The following SRSF1 variants were observed in gnomAD, a reference collection of about 807,000 sequenced individuals.
The protein encoded by SRSF1 is serine and arginine rich splicing factor 1.
Under a neutral mutation model 25.9 loss-of-function variants are expected in SRSF1, and 1 was observed. The observed-to-expected ratio is 0.04, with a 90% CI of 0.01 to 0.18. The LOEUF is 0.18. Ranked by LOEUF, SRSF1 falls within the 10% of genes least tolerant of loss-of-function variation. The pLI is 1.00. For missense variants in SRSF1, 65 were observed against 350.5 expected (o/e 0.19, Z 6.50); for synonymous variants, 132 against 126.2 (o/e 1.05, Z -0.31).
At chr17:57,999,932 A>G (rs2143455867), downstream of SRSF1, among the ~76,000 whole-genome samples, 1 of 152,252 alleles carries the variant, frequency 6.6e-6, no homozygotes, top group African/African-American at 2.4e-5. Context: ...TTTTAACCCG[A>G]TGCTTGAGTA....
chr17:58,006,006 A>G (rs1028014264), intron 2 of SRSF1, 33 bp from the exon 3 acceptor site: 1 of 1,588,228 alleles, frequency 6.3e-7, no homozygotes. Flanking sequence ...CTTAGTACCA[A>G]TTATCTTAAA....
downstream of SRSF1, among the ~76,000 whole-genome samples, chr17:57,996,483 T>TTA (rs538866531): frequency 2.8e-5 from 2 of 72,376 alleles, no homozygotes; most frequent in South Asian, 5.9e-4. Flanking sequence ...GACACTGTCT[T>TTA]AAAAAAAAAA....
chr17:57,996,502 A>AAAAAAAC (rs1431566307), downstream of SRSF1, among the ~76,000 whole-genome samples: 1 of 151,234 alleles, frequency 6.6e-6, no homozygotes, highest in Non-Finnish European at 1.5e-5. Context: ...AAAAAAAAAA[A>AAAAAAAC]ACAGCCTTTG....
rs1201093166 is a variant in SRSF1 at position 58,002,219 on chromosome 17, TAAA to T, written c.*3184_*3186del. Among the ~76,000 whole-genome samples, 3 of 152,328 alleles carry T rather than the reference TAAA, an allele frequency of 2.0e-5. No individual in the cohort carries two copies. The East Asian group carries it at 5.8e-4, about 29-fold the overall frequency. ...TTGGCCATTACATTGAATTCTTAGA[TAAA>T]AAGAGCTACATCCTTAAACTTACAC... On this transcript the variant is annotated 3_prime_UTR_variant, in exon 4 of 4. Transcript: ENST00000258962.
Position 58,005,269 on chromosome 17 carries a change from G to C in SRSF1, c.*137C>G. On this transcript the variant is annotated 3_prime_UTR_variant, in exon 4 of 4. Coordinates refer to ENST00000258962, the MANE Select transcript of SRSF1 (RefSeq NM_006924.5). This position sits in a 1 kb window ranked among gnomAD's most constrained non-coding sequence, Gnocchi z 5.2. ...AAGGGAATGTAGATGTTAGGAGCAA[G>C]GGGATATTACAAGAATGCAATTCAA... is the stretch of plus-strand genomic sequence containing the variant. The C allele has an allele frequency of 2.4e-6, 2 of 841,358 alleles. No individual in the cohort carries two copies. The highest frequency in any genetic ancestry group is 2.5e-5 in the East Asian group (1 of 39,856). The allele number at this position is 841,358 out of a possible 1,614,324, so 52.1% of individuals were successfully genotyped here. A position where few individuals can be genotyped will look rare whatever the true frequency, so the allele number is the denominator to read the frequency against.
downstream of SRSF1, among the ~76,000 whole-genome samples, chr17:57,997,726 G>C (rs1488882517): frequency 6.6e-6 from 1 of 152,168 alleles, no homozygotes; most frequent in Non-Finnish European, 1.5e-5. Flanking sequence ...ACAGCATCTT[G>C]AAGAACTCTA....
the SRSF1 span, among the ~76,000 whole-genome samples, chr17:57,995,376 ACTGTGTGACCAGCTGTCCTC>A: frequency 6.6e-6 from 1 of 152,214 alleles, no homozygotes; most frequent in Non-Finnish European, 1.5e-5. Flanking sequence ...GGCCCCAGCC[ACTGTGTGACCAGCTGTCCTC>A]CTGTGGGGCC....
At chr17:57,990,000 T>C in the SRSF1 span, 1 of 359,566 alleles carries the variant, frequency 2.8e-6, no homozygotes, top group Non-Finnish European at 5.0e-6. Flanking sequence ...GCTTCTTCCC[T>C]GCCTTAACTC....
At position 58,005,882 on chromosome 17, in the gene SRSF1, A is replaced by T. The variant is rs138873567; in HGVS notation, c.471T>A (p.Thr157=). 6.2e-7 allele frequency: 1 copy of T among 1,613,998 alleles called. No individual in the cohort carries two copies. Among genetic ancestry groups the T allele is most frequent in the African/African-American group, 1.3e-5 (1 of 74,916 alleles). Reference sequence around the variant, plus strand: ...CTTTCCGTACAAACTCCACGACACCAGTGCCATCTCGGTAAACATCAGCAT... The same window carrying T: ...CTTTCCGTACAAACTCCACGACACCTGTGCCATCTCGGTAAACATCAGCAT... ...VCYADVYRDG[T]GVVEFVRKED... is the part of the protein sequence containing the mutation. Residue 157 remains threonine (T), a synonymous_variant, in exon 3 of 4, where the codon ACT becomes ACA. Transcript: ENST00000258962. The surrounding 1 kb of genome is among the most constrained non-coding windows in gnomAD (Gnocchi z 5.2).
the SRSF1 span, chr17:57,992,077 T>A: frequency 6.6e-6 from 1 of 152,228 alleles, no homozygotes; most frequent in Admixed American, 6.5e-5. Flanking sequence ...TTTATCACCT[T>A]CATGCTTGTT....
rs972389921 is a variant in SRSF1, at chr17:58,001,782, G to A, written c.*3624C>T. The stretch of plus-strand genomic sequence containing the variant: ...GGAGCAGTCCATACTTCCCATCACA[G>A]CTTTTAGCTGTCTGGTCATCTTAAC... On this transcript the variant is annotated 3_prime_UTR_variant, in exon 4 of 4. Transcript: ENST00000258962. Among the ~76,000 whole-genome samples the A allele has an allele frequency of 6.6e-6, 1 of 152,158 alleles. No individual in the cohort carries two copies. Among genetic ancestry groups the A allele is most frequent in the Non-Finnish European group, 1.5e-5 (1 of 68,016 alleles).
intron 1 of SRSF1, 156 bp from the exon 2 acceptor site, chr17:58,006,683 C>T: frequency 2.0e-6 from 2 of 978,820 alleles, no homozygotes; most frequent in Admixed American, 2.9e-5. Flanking sequence ...CAGAAACACG[C>T]CAGGCTCCCA....
downstream of SRSF1, among the ~76,000 whole-genome samples, chr17:58,000,089 C>G (rs1466468697): frequency 1.3e-5 from 2 of 151,858 alleles, no homozygotes; most frequent in Non-Finnish European, 2.9e-5. Context: ...AAATTAACTT[C>G]TATATGACAG....
Position 58,001,396 on chromosome 17 carries a change from C to T in SRSF1, c.*4010G>A, listed in dbSNP as rs1404205339. On this transcript the variant is annotated 3_prime_UTR_variant, in exon 4 of 4. Coordinates refer to ENST00000258962, the MANE Select transcript of SRSF1 (RefSeq NM_006924.5). ...ATTTTACGGGGAATCTATTCATATT[C>T]CAAACAGCATTTTAAAAAACATTAA... Among the ~76,000 whole-genome samples the T allele has an allele frequency of 1.3e-5, 2 of 152,092 alleles. No homozygotes were observed. Among genetic ancestry groups the T allele is most frequent in the East Asian group, 3.9e-4 (2 of 5,194 alleles).
chr17:57,989,931 C>T, the SRSF1 span: 4 of 394,640 alleles, frequency 1.0e-5, no homozygotes, highest in Non-Finnish European at 1.8e-5. Context: ...CCTTTGTGTT[C>T]TTGCTCTGAC....
downstream of SRSF1, among the ~76,000 whole-genome samples, chr17:57,998,377 TTAA>T (rs1248723250): frequency 6.6e-6 from 1 of 152,164 alleles, no homozygotes; most frequent in Non-Finnish European, 1.5e-5. Flanking sequence ...GTATTAAGCC[TTAA>T]TAATTGTTGA....
Position 58,004,687 on chromosome 17 carries a change from C to A in SRSF1, c.*719G>T, listed in dbSNP as rs1040657760. ...ATTAGCCAGTTCTTCCCACATTAGT[C>A]CCTATTAAAACAAAAATGGGGGGAA... On this transcript the variant is annotated 3_prime_UTR_variant, in exon 4 of 4. Transcript: ENST00000258962. 6.6e-6 allele frequency: 2 copies of A among 301,444 alleles called. No homozygotes were observed. The allele number at this position is 301,444 out of a possible 1,614,324, so 18.7% of individuals were successfully genotyped here. A position where few individuals can be genotyped will look rare whatever the true frequency, so the allele number is the denominator to read the frequency against.
intron 1 of SRSF1, 41 bp from the exon 2 acceptor site, chr17:58,006,568 G>A (rs760860218): frequency 6.3e-7 from 1 of 1,575,178 alleles, no homozygotes; most frequent in African/African-American, 1.4e-5. Context: ...GAAACACCAG[G>A]AGGAGAAGCT....
At chr17:58,006,558 GA>G (rs781674619) in intron 1 of SRSF1, 31 bp from the exon 2 acceptor site, 2 of 1,588,264 alleles carry the variant, frequency 1.3e-6, no homozygotes, top group Admixed American at 3.5e-5. Context: ...AAAGGGATGA[GA>G]AACACCAGGA....
Sources: allele counts gnomAD v4.1 joint callset (sites outside exome capture counted in the v4.1 genomes callset), GRCh38; gene constraint gnomAD v4.1.1; non-coding constraint Gnocchi (gnomAD v3.1); transcripts MANE v1.5; gene names NCBI Gene and HGNC (gene_info 2026-07-23, HGNC 2026-07-21).